TMEM248: variants seen among roughly 807,000 people sequenced by gnomAD.
The protein encoded by TMEM248 is transmembrane protein 248.
Under a neutral mutation model 30.3 loss-of-function variants are expected in TMEM248, and 9 were observed. The ratio of observed to expected loss-of-function variants is 0.30; its 90% CI spans 0.18 to 0.52. TMEM248 has a LOEUF of 0.52. Among genes scored for constraint, TMEM248 ranks in the 20% least tolerant of loss-of-function variants. The pLI is 0.97. For synonymous variants in TMEM248, 184 were observed against 154.4 expected (o/e 1.19, Z -1.42); for missense variants, 338 against 403.3 (o/e 0.84, Z 1.39).
chr7:66,932,889 CAG>C (rs1791704591), intron 1 of TMEM248, among the ~76,000 whole-genome samples: 1 of 149,262 alleles, frequency 6.7e-6, no homozygotes, highest in Non-Finnish European at 1.5e-5. Flanking sequence ...TGTTTTGAGA[CAG>C]AGTCTCACTC....
rs138043241 is a variant in TMEM248, at chr7:66,950,852, T to C, written c.597-100T>C. The C allele has an allele frequency of 7.7e-3, 7,070 of 920,808 alleles. 32 individuals are homozygous for C. The highest frequency in any genetic ancestry group is 9.2e-3 in the Non-Finnish European group (5,996 of 650,134). The allele number at this position is 920,808 out of a possible 1,614,324, so 57.0% of individuals were successfully genotyped here. Reference sequence around the variant, plus strand: ...AAGTTACATTTTTCCTTTCCATGTGTGTTGCCGTGTTCAGTGTTTTACCAG... The same window carrying C: ...AAGTTACATTTTTCCTTTCCATGTGCGTTGCCGTGTTCAGTGTTTTACCAG... On this transcript the variant is annotated intron_variant, in intron 4 of 6. Coordinates refer to ENST00000341567, the MANE Select transcript of TMEM248 (RefSeq NM_017994.5).
At chr7:66,945,350 T>C (rs1792070863) in intron 3 of TMEM248, 89 bp downstream of exon 3, 10 of 1,380,568 alleles carry the variant, frequency 7.2e-6, no homozygotes, top group South Asian at 1.3e-5. Flanking sequence ...CTGACTATAT[T>C]GTACTAGATT....
intron 1 of TMEM248, among the ~76,000 whole-genome samples, chr7:66,927,628 T>TG (rs1024934279): frequency 4.1e-5 from 6 of 147,440 alleles, no homozygotes; most frequent in Non-Finnish European, 7.5e-5. Flanking sequence ...GGTTTTGTTT[T>TG]TTTTTTTTTT....
chr7:66,953,574 T>TATTTGCATATGACCTCTGC (rs1792324247), intron 6 of TMEM248, among the ~76,000 whole-genome samples: 1 of 152,214 alleles, frequency 6.6e-6, no homozygotes, highest in African/African-American at 2.4e-5. Flanking sequence ...TGTAAAATGG[T>TATTTGCATATGACCTCTGC]ACAGTATTTG....
At chr7:66,948,451 C>A in intron 3 of TMEM248, 93 bp from the exon 4 acceptor site, 1 of 1,453,156 alleles carries the variant, frequency 6.9e-7, no homozygotes, top group East Asian at 2.5e-5. Context: ...TAGATGATTC[C>A]TGTGTGGGTT....
In TMEM248 at chr7:66,931,384, G is replaced by A. The variant is rs191347409; in HGVS notation, c.-19+9923G>A. Among the ~76,000 whole-genome samples the A allele has an allele frequency of 1.8e-4, 27 of 151,752 alleles. No homozygotes were observed. In the East Asian group the frequency reaches 5.2e-3, roughly 29 times the overall value. ...TGGACAAGTAGCCATGTGTACATAT[G>A]CGGGCTTTGGAGAGAGGGAGAAACT... is the stretch of plus-strand genomic sequence containing the variant. On this transcript the variant is annotated intron_variant, in intron 1 of 6. Coordinates refer to ENST00000341567, the MANE Select transcript of TMEM248 (RefSeq NM_017994.5).
chr7:66,933,702 C>T (rs776552944), intron 1 of TMEM248, among the ~76,000 whole-genome samples: 41 of 152,188 alleles, frequency 2.7e-4, no homozygotes, highest in Non-Finnish European at 5.3e-4. Flanking sequence ...ACAGTGCCGT[C>T]TGATGTTTAG....
intron 1 of TMEM248, among the ~76,000 whole-genome samples, chr7:66,927,762 T>G (rs1007860899): frequency 6.6e-6 from 1 of 152,106 alleles, no homozygotes; most frequent in Non-Finnish European, 1.5e-5. Flanking sequence ...CAGTCTCTCT[T>G]TGGTTCCTTT....
intron 1 of TMEM248, among the ~76,000 whole-genome samples, chr7:66,940,610 G>T (rs1304779479): frequency 2.6e-5 from 4 of 152,162 alleles, no homozygotes; most frequent in Non-Finnish European, 4.4e-5. Context: ...GTCCAGTGTG[G>T]CCAAAGCCCA....
rs995003399 is a variant in TMEM248 at position 66,958,545 on chromosome 7, G to A, written c.*3023G>A. 6.6e-6 allele frequency: 1 copy of A among 152,652 alleles called. No individual in the cohort carries two copies. The highest frequency in any genetic ancestry group is 1.9e-4 in the East Asian group (1 of 5,192). 9.5% of individuals were successfully genotyped at this position (152,652 alleles called of 1,614,324 possible). A position where few individuals can be genotyped will look rare whatever the true frequency, so the allele number is the denominator to read the frequency against. ...ATGTGCTTTACAGAATAAAACATCT[G>A]AATTTATTTGCTCCGCGTCTTCTTC... On this transcript the variant is annotated 3_prime_UTR_variant, in exon 7 of 7. Coordinates refer to ENST00000341567, the MANE Select transcript of TMEM248 (RefSeq NM_017994.5).
intron 4 of TMEM248, among the ~76,000 whole-genome samples, chr7:66,949,702 A>G (rs538700902): frequency 3.9e-5 from 6 of 152,350 alleles, no homozygotes; most frequent in African/African-American, 1.4e-4. Flanking sequence ...TTTAAAATCA[A>G]ATATAAATTG....
intron 6 of TMEM248, among the ~76,000 whole-genome samples, chr7:66,954,259 A>G (rs1417910177): frequency 6.6e-6 from 1 of 152,056 alleles, no homozygotes; most frequent in Non-Finnish European, 1.5e-5. Flanking sequence ...GTTACTTATA[A>G]TACCTAATAC....
At position 66,942,000 on chromosome 7, in the gene TMEM248, G is replaced by C; in HGVS notation, c.135G>C (p.Glu45Asp). 6.2e-7 allele frequency: 1 copy of C among 1,614,116 alleles called. No individual in the cohort carries two copies. Residue 45 changes from glutamate (E) to aspartate (D), a missense_variant, in exon 2 of 7, where the codon GAG (glutamate) becomes GAC (aspartate). Transcript: ENST00000341567. ...TGGGCTACTTCTTCAAAATCAAGGA[G>C]ATTAAATCCCCAGAAATGGCAGAGG... ...LTLGYFFKIKEIKSPEMAEDW... is the reference protein window; with the variant it reads ...LTLGYFFKIKDIKSPEMAEDW...
At chr7:66,952,000 T>C (rs1261361994) in intron 5 of TMEM248, among the ~76,000 whole-genome samples, 1 of 152,162 alleles carries the variant, frequency 6.6e-6, no homozygotes, top group African/African-American at 2.4e-5. Flanking sequence ...ATTTTATAAA[T>C]ATGTTCCTTT....
chr7:66,929,302 G>A (rs1039389210), intron 1 of TMEM248, among the ~76,000 whole-genome samples: 2 of 152,044 alleles, frequency 1.3e-5, no homozygotes, highest in Non-Finnish European at 2.9e-5. Context: ...AACTCTTAGA[G>A]CAGTGCCTCT....
At chr7:66,953,090 A>G in intron 5 of TMEM248, 136 bp from the exon 6 acceptor site, 1 of 945,582 alleles carries the variant, frequency 1.1e-6, no homozygotes, top group Non-Finnish European at 1.6e-6. Flanking sequence ...CAAAAGGAGA[A>G]ACCTCCTCTT....
intron 6 of TMEM248, among the ~76,000 whole-genome samples, chr7:66,953,768 C>CT (rs1368399385): frequency 1.3e-5 from 2 of 151,922 alleles, no homozygotes; most frequent in East Asian, 3.9e-4. Context: ...CCGCGTCCCA[C>CT]TAAGTTTTTG....
intron 1 of TMEM248, among the ~76,000 whole-genome samples, chr7:66,927,161 A>T (rs1224995609): frequency 6.6e-6 from 1 of 152,204 alleles, no homozygotes; most frequent in African/African-American, 2.4e-5. Context: ...ATTATTTTCC[A>T]TCTTGAGACT....
chr7:66,953,716 C>T (rs1792328514), intron 6 of TMEM248, among the ~76,000 whole-genome samples: 1 of 150,800 alleles, frequency 6.6e-6, no homozygotes, highest in African/African-American at 2.4e-5. Flanking sequence ...GCAGTTCTCC[C>T]ACCTCAGCCT....
Sources: gnomAD v4.1 joint callset for allele counts (sites outside exome capture counted in the v4.1 genomes callset) on GRCh38, gnomAD v4.1.1 for gene constraint, MANE v1.5 for transcripts, NCBI Gene and HGNC (gene_info 2026-07-23, HGNC 2026-07-21) for gene names.